Variants in LNP1 observed in about 807,000 individuals in gnomAD.
LNP1 encodes leukemia NUP98 fusion partner 1.
Under a neutral mutation model 14.5 loss-of-function variants are expected in LNP1, and 12 were observed. That is an observed-to-expected ratio of 0.83 (90% CI 0.53 to 1.34). LNP1 has a LOEUF of 1.34. LNP1 is among the 40% of genes most tolerant of loss of function. The pLI is 0.00. For synonymous variants in LNP1, 75 were observed against 71.4 expected, an observed-to-expected ratio of 1.05 and a Z score of -0.26; for missense variants, 198 against 210.9, an observed-to-expected ratio of 0.94 and a Z score of 0.38.
intron 2 of LNP1, among the ~76,000 whole-genome samples, chr3:100,432,961 A>G (rs1265351180): frequency 3.9e-5 from 6 of 152,282 alleles, no homozygotes; most frequent in African/African-American, 1.2e-4. Flanking sequence ...TGCTTCTTCT[A>G]TGCTCCACGG....
At chr3:100,442,865 AT>A (rs1277586543) in intron 2 of LNP1, among the ~76,000 whole-genome samples, 2 of 152,166 alleles carry the variant, frequency 1.3e-5, no homozygotes, top group Non-Finnish European at 2.9e-5. Context: ...AGGATGGTTT[AT>A]TCCTAGACAG....
intron 1 of LNP1, among the ~76,000 whole-genome samples, chr3:100,426,936 C>T (rs1429402120): frequency 1.3e-5 from 2 of 152,044 alleles, no homozygotes; most frequent in Admixed American, 1.3e-4. Context: ...GTGCTATAGA[C>T]ACAGAATAGA....
At chr3:100,450,904 G>T (rs889177232) in intron 2 of LNP1, among the ~76,000 whole-genome samples, 3 of 149,172 alleles carry the variant, frequency 2.0e-5, no homozygotes, top group Admixed American at 1.3e-4. Flanking sequence ...TAAATAAATA[G>T]AGAGAGAGAG....
At chr3:100,447,760 G>T (rs1344472534) in intron 2 of LNP1, among the ~76,000 whole-genome samples, 1 of 152,012 alleles carries the variant, frequency 6.6e-6, no homozygotes. Context: ...TTTCTCCTGT[G>T]AAATTATTTC....
At chr3:100,438,916 A>C (rs775005163) in intron 2 of LNP1, among the ~76,000 whole-genome samples, 1 of 152,202 alleles carries the variant, frequency 6.6e-6, no homozygotes, top group Non-Finnish European at 1.5e-5. Context: ...TTTAGGTCTT[A>C]TTGGGGAAAA....
intron 2 of LNP1, among the ~76,000 whole-genome samples, chr3:100,430,160 C>T (rs1707229300): frequency 6.6e-6 from 1 of 152,122 alleles, no homozygotes; most frequent in Admixed American, 6.5e-5. Context: ...GAGATAATCC[C>T]ACTGAGTGAC....
chr3:100,454,109 T>G (rs955214977), intron 3 of LNP1, among the ~76,000 whole-genome samples: 1 of 152,204 alleles, frequency 6.6e-6, no homozygotes, highest in Non-Finnish European at 1.5e-5. Flanking sequence ...AATATGCTTG[T>G]TGCATTCATT....
chr3:100,432,738 CATTT>C (rs1450067761), intron 2 of LNP1, among the ~76,000 whole-genome samples: 1 of 152,160 alleles, frequency 6.6e-6, no homozygotes, highest in Non-Finnish European at 1.5e-5. Context: ...GTTTCCCTGT[CATTT>C]ATTTATTCTA....
intron 2 of LNP1, among the ~76,000 whole-genome samples, chr3:100,433,033 G>A (rs758852273): frequency 5.3e-5 from 8 of 152,068 alleles, no homozygotes; most frequent in Non-Finnish European, 1.0e-4. Context: ...AGTCTCTACC[G>A]ATGTACACCC....
At chr3:100,446,630 C>T (rs1014417954) in intron 2 of LNP1, among the ~76,000 whole-genome samples, 1 of 152,110 alleles carries the variant, frequency 6.6e-6, no homozygotes, top group Non-Finnish European at 1.5e-5. Context: ...AGCTTCTGCA[C>T]AGCAAAAGAA....
At position 100,456,128 on chromosome 3, in the gene LNP1, G is replaced by A; in HGVS notation, c.*202G>A. 1 of 502,756 alleles carries A rather than the reference G, an allele frequency of 2.0e-6. No homozygotes were observed. The allele number at this position is 502,756 out of a possible 1,614,324, so 31.1% of individuals were successfully genotyped here. ...CTTGCATCATACCCCAATTACTGCT[G>A]GCATCTTAGTTGAGAGTATAATCTG... On this transcript the variant is annotated 3_prime_UTR_variant, in exon 4 of 4. Coordinates refer to ENST00000383693, the MANE Select transcript of LNP1 (RefSeq NM_001085451.2).
At chr3:100,446,468 T>G (rs1218158749) in intron 2 of LNP1, among the ~76,000 whole-genome samples, 2 of 152,162 alleles carry the variant, frequency 1.3e-5, no homozygotes, top group African/African-American at 4.8e-5. Context: ...ATTAAAGACT[T>G]AAATATTAGA....
chr3:100,421,972 T>C (rs962610582), intron 1 of LNP1, among the ~76,000 whole-genome samples: 1 of 152,186 alleles, frequency 6.6e-6, no homozygotes. Flanking sequence ...CTCTCCTTTA[T>C]TGTAAATTGC....
chr3:100,422,987 C>T (rs1252765314), intron 1 of LNP1, among the ~76,000 whole-genome samples: 1 of 151,868 alleles, frequency 6.6e-6, no homozygotes, highest in Admixed American at 6.6e-5. Flanking sequence ...GAGTGGCAGA[C>T]TTCACAGTAT....
chr3:100,414,583 C>G (rs1397344177), intron 1 of LNP1, among the ~76,000 whole-genome samples: 1 of 151,856 alleles, frequency 6.6e-6, no homozygotes, highest in South Asian at 2.1e-4. Flanking sequence ...GGCAGATGAT[C>G]CTGCGTATAC....
intron 1 of LNP1, among the ~76,000 whole-genome samples, chr3:100,406,217 C>A (rs563242999): frequency 2.6e-5 from 4 of 151,796 alleles, no homozygotes; most frequent in Admixed American, 6.6e-5. Flanking sequence ...ACCCCAGAGG[C>A]GGAGGTTGCA....
chr3:100,412,892 A>T (rs535018789), intron 1 of LNP1, among the ~76,000 whole-genome samples: 2 of 152,256 alleles, frequency 1.3e-5, no homozygotes, highest in Admixed American at 6.5e-5. Flanking sequence ...GTGCCTGTTA[A>T]CTTATTTATC....
At chr3:100,448,989 C>T (rs1032723484) in intron 2 of LNP1, among the ~76,000 whole-genome samples, 1 of 152,104 alleles carries the variant, frequency 6.6e-6, no homozygotes, top group African/African-American at 2.4e-5. Flanking sequence ...AATGTAGTAG[C>T]AAAACTTACA....
intron 1 of LNP1, among the ~76,000 whole-genome samples, chr3:100,412,659 C>T (rs1296073251): frequency 6.6e-6 from 1 of 152,174 alleles, no homozygotes; most frequent in African/African-American, 2.4e-5. Context: ...ACAAAATCTA[C>T]AATGCCTTCT....
Sources: allele counts gnomAD v4.1 joint callset (sites outside exome capture counted in the v4.1 genomes callset), GRCh38; gene constraint gnomAD v4.1.1; transcripts MANE v1.5; gene names NCBI Gene and HGNC (gene_info 2026-07-23, HGNC 2026-07-21).